OSBP2: variants seen among roughly 807,000 people sequenced by gnomAD.
OSBP2 encodes oxysterol-binding protein 2.
Under a neutral mutation model 96.0 loss-of-function variants are expected in OSBP2, and 66 were observed. That is an observed-to-expected ratio of 0.69 (90% CI 0.56 to 0.84). OSBP2 has a LOEUF of 0.84. Ranked by LOEUF, OSBP2 falls within the 40% of genes least tolerant of loss-of-function variation. OSBP2 has a pLI of 0.00. For missense variants in OSBP2, 1,038 were observed against 1,222.7 expected (o/e 0.85, Z 2.25); for synonymous variants, 525 against 520.9 (o/e 1.01, Z -0.11).
chr22:30,821,043 T>G (rs2038260785), intron 2 of OSBP2, among the ~76,000 whole-genome samples: 1 of 152,212 alleles, frequency 6.6e-6, no homozygotes, highest in South Asian at 2.1e-4. Flanking sequence ...TTCCTTTGCT[T>G]GAGCTCCTGC....
At chr22:30,853,112 A>G (rs1214258974) in intron 2 of OSBP2, among the ~76,000 whole-genome samples, 1 of 152,196 alleles carries the variant, frequency 6.6e-6, no homozygotes, top group African/African-American at 2.4e-5. Flanking sequence ...AGTTCTGTAA[A>G]TGTCAATTAG....
rs1412195984 is a variant in OSBP2, at chr22:30,881,304, T to C, written c.1108-6122T>C. On this transcript the variant is annotated intron_variant, in intron 3 of 13. Coordinates refer to ENST00000332585, the MANE Select transcript of OSBP2 (RefSeq NM_030758.4). The surrounding 1 kb of genome is among the most constrained non-coding windows in gnomAD (Gnocchi z 4.5). ...ACAGGTCACAGAATCAGGGACTCTG[T>C]AGGAGCCCAGGAGGGCGCCAGGAGA... Among the ~76,000 whole-genome samples, 1 of 152,112 alleles carries C rather than the reference T, an allele frequency of 6.6e-6. No individual in the cohort carries two copies. The highest frequency in any genetic ancestry group is 6.5e-5 in the Admixed American group (1 of 15,290).
At chr22:30,867,770 A>G (rs2039374423) in intron 2 of OSBP2, among the ~76,000 whole-genome samples, 1 of 152,254 alleles carries the variant, frequency 6.6e-6, no homozygotes, top group Non-Finnish European at 1.5e-5. Flanking sequence ...CCTGCCACAC[A>G]GAAGGATGCT....
chr22:30,780,863 G>A (rs1405496931), intron 2 of OSBP2, among the ~76,000 whole-genome samples: 1 of 152,176 alleles, frequency 6.6e-6, no homozygotes, highest in African/African-American at 2.4e-5. Flanking sequence ...TGTTTCAAAC[G>A]ACTCAAATGT....
intron 2 of OSBP2, among the ~76,000 whole-genome samples, chr22:30,754,368 AG>A (rs1053042055): frequency 6.6e-6 from 1 of 152,212 alleles, no homozygotes; most frequent in Non-Finnish European, 1.5e-5. Context: ...GTCCCTCAGC[AG>A]GCTTTGATTG....
intron 2 of OSBP2, among the ~76,000 whole-genome samples, chr22:30,830,945 G>T (rs148188533): frequency 5.3e-5 from 8 of 151,206 alleles, no homozygotes; most frequent in East Asian, 1.9e-4. Flanking sequence ...CCACGTTATC[G>T]CAGGCTTTGT....
At chr22:30,717,086 G>GTTT (rs144392805) in intron 1 of OSBP2, among the ~76,000 whole-genome samples, 4,137 of 96,430 alleles carry the variant, frequency 0.043, 200 homozygotes, top group South Asian at 0.12. Flanking sequence ...TAATTTTACT[G>GTTT]TTTTTGTGTG....
At chr22:30,822,526 C>T (rs2038297697) in intron 2 of OSBP2, 26 of 1,375,916 alleles carry the variant, frequency 1.9e-5, no homozygotes, top group Non-Finnish European at 2.4e-5. Flanking sequence ...GAGTGTCCGC[C>T]GCCTCCGCCG....
intron 1 of OSBP2, among the ~76,000 whole-genome samples, chr22:30,722,814 T>G (rs1038185588): frequency 3.1e-4 from 41 of 132,952 alleles, no homozygotes; most frequent in African/African-American, 1.0e-3. Flanking sequence ...TGACAGAGTC[T>G]CACTCTGTCA....
intron 2 of OSBP2, among the ~76,000 whole-genome samples, chr22:30,845,878 CAAA>C (rs544099138): frequency 4.3e-5 from 3 of 70,584 alleles, no homozygotes; most frequent in Non-Finnish European, 5.9e-5. Flanking sequence ...GAGACTCTCT[CAAA>C]AAAAAAAAAA....
chr22:30,700,056 A>G (rs1255847490), intron 1 of OSBP2, among the ~76,000 whole-genome samples: 1 of 149,124 alleles, frequency 6.7e-6, no homozygotes, highest in East Asian at 2.0e-4. Context: ...TCTGCCTCCC[A>G]GTTTCAAACA....
chr22:30,778,167 GCC>G lies in OSBP2; in HGVS notation c.853+36800_853+36801del, dbSNP rs1314779274. Among the ~76,000 whole-genome samples the G allele has an allele frequency of 1.1e-3, 39 of 37,006 alleles. 2 individuals are homozygous for G. In the East Asian group the frequency reaches 0.022, roughly 21 times the overall value. 24.3% of individuals were successfully genotyped at this position (37,006 alleles called of 152,430 possible). A position where few individuals can be genotyped will look rare whatever the true frequency, so the allele number is the denominator to read the frequency against. Reference sequence around the variant, plus strand: ...GCACCAGCATGCCCGGCTAATTTTTGCCCTTTTTTTTTTTTTTTTTTTTAGTA... The same window carrying G: ...GCACCAGCATGCCCGGCTAATTTTTGCTTTTTTTTTTTTTTTTTTTTAGTA... On this transcript the variant is annotated intron_variant, in intron 2 of 13. Coordinates refer to ENST00000332585, the MANE Select transcript of OSBP2 (RefSeq NM_030758.4).
chr22:30,795,062 A>G (rs1232121994), intron 2 of OSBP2, among the ~76,000 whole-genome samples: 4 of 151,684 alleles, frequency 2.6e-5, no homozygotes, highest in African/African-American at 9.7e-5. Flanking sequence ...GGTACACACC[A>G]CTGCACCCAG....
rs766398705 is a variant in OSBP2, at chr22:30,751,754, C to T, written c.853+10385C>T. ...TGGCAGGAGATGGGGCAGAATCACCCGCAGGAGATTAGGCGCCCAGGGCAC... is the reference window on the plus strand; with the variant it reads ...TGGCAGGAGATGGGGCAGAATCACCTGCAGGAGATTAGGCGCCCAGGGCAC... On this transcript the variant is annotated intron_variant, in intron 2 of 13. Coordinates refer to ENST00000332585, the MANE Select transcript of OSBP2 (RefSeq NM_030758.4). 2.6e-5 allele frequency among the ~76,000 whole-genome samples: 4 copies of T among 152,152 alleles called. 1 individual carries two copies. Among genetic ancestry groups the T allele is most frequent in the Non-Finnish European group, 5.9e-5 (4 of 68,024 alleles).
chr22:30,723,482 C>T (rs957555113), intron 1 of OSBP2, among the ~76,000 whole-genome samples: 4 of 151,992 alleles, frequency 2.6e-5, no homozygotes, highest in East Asian at 1.9e-4. Flanking sequence ...GGCGTGATCT[C>T]GGCTCGCTGC....
intron 1 of OSBP2, among the ~76,000 whole-genome samples, chr22:30,700,931 T>C (rs1235992085): frequency 6.8e-6 from 1 of 147,038 alleles, no homozygotes; most frequent in African/African-American, 2.5e-5. Context: ...CTTTACTATA[T>C]ACAAAAAAAA....
intron 2 of OSBP2, among the ~76,000 whole-genome samples, chr22:30,769,634 G>A (rs1459977078): frequency 6.6e-6 from 1 of 152,146 alleles, no homozygotes; most frequent in Non-Finnish European, 1.5e-5. Context: ...GGGAAACAGA[G>A]AGAGACTCCA....
intron 2 of OSBP2, among the ~76,000 whole-genome samples, chr22:30,863,298 G>A (rs1569155417): frequency 6.6e-6 from 1 of 152,186 alleles, no homozygotes; most frequent in Non-Finnish European, 1.5e-5. Context: ...CACCAAAGCT[G>A]CTGTAATTGA....
intron 2 of OSBP2, among the ~76,000 whole-genome samples, chr22:30,811,700 G>A (rs974491725): frequency 4.0e-5 from 6 of 151,150 alleles, no homozygotes; most frequent in Non-Finnish European, 5.9e-5. Flanking sequence ...GATTACAGGC[G>A]CCCACCACCA....
Sources: allele counts gnomAD v4.1 joint callset (sites outside exome capture counted in the v4.1 genomes callset), GRCh38; gene constraint gnomAD v4.1.1; non-coding constraint Gnocchi (gnomAD v3.1); transcripts MANE v1.5; gene names NCBI Gene and HGNC (gene_info 2026-07-23, HGNC 2026-07-21).